Variants in RABGAP1 observed in about 807,000 individuals in gnomAD.
The protein encoded by RABGAP1 is RAB GTPase activating protein 1.
Under a neutral mutation model 137.6 loss-of-function variants are expected in RABGAP1, and 23 were observed. The observed-to-expected ratio is 0.17, with a 90% CI of 0.12 to 0.24. RABGAP1 has a LOEUF of 0.24. Among genes scored for constraint, RABGAP1 ranks in the 10% least tolerant of loss-of-function variants. The pLI is 1.00. For synonymous variants in RABGAP1, 451 were observed against 450.7 expected, an observed-to-expected ratio of 1.00 and a Z score of -0.01; for missense variants, 906 against 1,275.8, an observed-to-expected ratio of 0.71 and a Z score of 4.42.
chr9:122,992,197 G>T (rs553845197), intron 6 of RABGAP1, among the ~76,000 whole-genome samples: 1 of 151,806 alleles, frequency 6.6e-6, no homozygotes, highest in Non-Finnish European at 1.5e-5. Flanking sequence ...CCACCATACC[G>T]GGCTAATTTT....
At position 123,034,389 on chromosome 9, in the gene RABGAP1, A is replaced by AG. The variant is rs879379080; in HGVS notation, c.1794+13934dup. 5.1e-6 allele frequency: 3 copies of AG among 592,140 alleles called. No homozygotes were observed. The African/African-American group carries it at 5.6e-5, about 11-fold the overall frequency. The allele number at this position is 592,140 out of a possible 1,614,324, so 36.7% of individuals were successfully genotyped here. On this transcript the variant is annotated intron_variant, in intron 13 of 25. Coordinates refer to ENST00000373647, the MANE Select transcript of RABGAP1 (RefSeq NM_012197.4). Reference sequence around the variant, plus strand: ...TCTCCTTATTCCAGGAAGGATTTAAAGGGGAATTGCACTGCAGGCAATGCA... The same window carrying AG: ...TCTCCTTATTCCAGGAAGGATTTAAAGGGGGAATTGCACTGCAGGCAATGCA...
intron 19 of RABGAP1, among the ~76,000 whole-genome samples, chr9:123,084,976 C>A (rs2034823000): frequency 6.6e-6 from 1 of 152,186 alleles, no homozygotes; most frequent in South Asian, 2.1e-4. Flanking sequence ...GTCGCGCCTG[C>A]CCAGGTGAGC....
chr9:123,103,292 G>T lies in RABGAP1; in HGVS notation c.*79G>T. The T allele has an allele frequency of 6.3e-7, 1 of 1,579,420 alleles. No individual in the cohort carries two copies. The highest frequency in any genetic ancestry group is 1.2e-5 in the South Asian group (1 of 86,010). ...TCTTTGGCCAGATGTGTGATTCTGT[G>T]ACTTGTCCCAGGACCAGAATGTACC... On this transcript the variant is annotated 3_prime_UTR_variant, in exon 26 of 26. Coordinates refer to ENST00000373647, the MANE Select transcript of RABGAP1 (RefSeq NM_012197.4).
chr9:122,980,437 A>G (rs1245874442), intron 2 of RABGAP1, among the ~76,000 whole-genome samples: 1 of 152,142 alleles, frequency 6.6e-6, no homozygotes, highest in African/African-American at 2.4e-5. Flanking sequence ...GTTCTGTGTC[A>G]CTTCATTGTA....
intron 13 of RABGAP1, among the ~76,000 whole-genome samples, chr9:123,040,245 G>T (rs2032887126): frequency 6.6e-6 from 1 of 152,128 alleles, no homozygotes. Context: ...CCACAGCACT[G>T]TTTTTTGTGG....
chr9:123,028,568 G>A (rs1378066827), intron 13 of RABGAP1, among the ~76,000 whole-genome samples: 1 of 152,218 alleles, frequency 6.6e-6, no homozygotes, highest in Non-Finnish European at 1.5e-5. Flanking sequence ...AAGTCAGAGA[G>A]AACAGCGTGT....
chr9:122,959,881 G>T (rs1195148550), intron 2 of RABGAP1, among the ~76,000 whole-genome samples: 1 of 152,156 alleles, frequency 6.6e-6, no homozygotes, highest in Non-Finnish European at 1.5e-5. Context: ...GCTTTACTTT[G>T]GGCAGAGCAA....
At position 123,069,618 on chromosome 9, in the gene RABGAP1, C is replaced by T. The variant is rs539807735; in HGVS notation, c.1909-732C>T. Among the ~76,000 whole-genome samples, 33 of 151,082 alleles carry T rather than the reference C, an allele frequency of 2.2e-4. 1 individual carries two copies. The South Asian group carries it at 6.9e-3, about 32-fold the overall frequency. ...AGTGTGGGCCAGGCACACTGGCTCA[C>T]ACCTGTAATCCCAGTACTTTGGGAG... On this transcript the variant is annotated intron_variant, in intron 14 of 25. Transcript: ENST00000373647.
chr9:122,978,617 A>G (rs1835886882), intron 2 of RABGAP1, among the ~76,000 whole-genome samples: 2 of 152,224 alleles, frequency 1.3e-5, no homozygotes, highest in South Asian at 2.1e-4. Context: ...CTTGGTCAGC[A>G]GAGAAAAACC....
chr9:123,084,439 A>G (rs1186742899), intron 19 of RABGAP1, among the ~76,000 whole-genome samples: 3 of 152,110 alleles, frequency 2.0e-5, no homozygotes, highest in African/African-American at 7.2e-5. Context: ...ACCCAACAAC[A>G]TGCTTCTCTC....
intron 9 of RABGAP1, among the ~76,000 whole-genome samples, chr9:122,997,832 C>G (rs1314045913): frequency 2.0e-5 from 3 of 152,252 alleles, no homozygotes; most frequent in Admixed American, 1.3e-4. Flanking sequence ...CATTTAATAG[C>G]TGCATATTAT....
chr9:123,028,615 G>A (rs2032120497), intron 13 of RABGAP1, among the ~76,000 whole-genome samples: 2 of 152,218 alleles, frequency 1.3e-5, no homozygotes, highest in Admixed American at 1.3e-4. Context: ...ATGGAGGTAA[G>A]ACCAGAGAGG....
At chr9:122,999,960 G>T (rs573685850) in intron 10 of RABGAP1, among the ~76,000 whole-genome samples, 2 of 151,688 alleles carry the variant, frequency 1.3e-5, no homozygotes, top group African/African-American at 4.8e-5. Context: ...GTCATTCAAT[G>T]AATTTTAAAA....
At chr9:122,984,056 A>G (rs759886860) in intron 2 of RABGAP1, among the ~76,000 whole-genome samples, 1 of 152,208 alleles carries the variant, frequency 6.6e-6, no homozygotes, top group Non-Finnish European at 1.5e-5. Flanking sequence ...ATTGCCTAAT[A>G]TGTATGTTTC....
intron 13 of RABGAP1, among the ~76,000 whole-genome samples, chr9:123,048,987 A>G (rs1409467304): frequency 6.6e-6 from 1 of 152,248 alleles, no homozygotes; most frequent in African/African-American, 2.4e-5. Flanking sequence ...AAAAGGCTGC[A>G]TATCACATGG....
chr9:123,100,249 G>A (rs906191879), intron 24 of RABGAP1, among the ~76,000 whole-genome samples: 10 of 152,188 alleles, frequency 6.6e-5, no homozygotes, highest in Non-Finnish European at 1.3e-4. Context: ...TTACTGAAAA[G>A]TGCCTCACTA....
intron 10 of RABGAP1, among the ~76,000 whole-genome samples, chr9:123,009,235 T>C (rs1200852035): frequency 6.6e-6 from 1 of 152,260 alleles, no homozygotes; most frequent in Non-Finnish European, 1.5e-5. Context: ...TGTTTACTAT[T>C]TGGCTCTTTA....
At chr9:123,035,323 G>A in intron 13 of RABGAP1, 1 of 1,614,132 alleles carries the variant, frequency 6.2e-7, no homozygotes, top group Non-Finnish European at 8.5e-7. Flanking sequence ...CTATGCCATG[G>A]TCCTGTTTCG....
At chr9:123,020,221 G>A in intron 12 of RABGAP1, 88 bp from the exon 13 acceptor site, 2 of 1,183,684 alleles carry the variant, frequency 1.7e-6, no homozygotes, top group Non-Finnish European at 2.2e-6. Flanking sequence ...GTATTTGTAA[G>A]CCATTTAAAT....
Sources: allele counts gnomAD v4.1 joint callset (sites outside exome capture counted in the v4.1 genomes callset), GRCh38; gene constraint gnomAD v4.1.1; transcripts MANE v1.5; gene names NCBI Gene and HGNC (gene_info 2026-07-23, HGNC 2026-07-21).